ZNF257: variants seen among roughly 807,000 people sequenced by gnomAD.
ZNF257 encodes the protein zinc finger protein 257.
A neutral mutation model predicts 11.9 loss-of-function variants in ZNF257; 12 were observed. The ratio of observed to expected loss-of-function variants is 1.01; its 90% CI spans 0.65 to 1.63. The LOEUF (loss-of-function observed/expected upper bound fraction) is 1.63, where lower values mean the gene tolerates loss of function less well. ZNF257 is among the 40% of genes most tolerant of loss of function. The pLI, the probability that ZNF257 is intolerant of heterozygous loss-of-function variation, is 0.00. For missense variants in ZNF257, 580 were observed against 665.5 expected (o/e 0.87, Z 1.41); for synonymous variants, 183 against 222.7 (o/e 0.82, Z 1.59).
intron 1 of ZNF257, among the ~76,000 whole-genome samples, chr19:22,060,810 G>A (rs997553422): frequency 6.6e-6 from 1 of 152,132 alleles, no homozygotes; most frequent in African/African-American, 2.4e-5. Flanking sequence ...TTTATATATG[G>A]TGTAAGAAAG....
chr19:22,078,694 AT>A (rs1277473087), intron 3 of ZNF257, among the ~76,000 whole-genome samples: 3 of 150,790 alleles, frequency 2.0e-5, no homozygotes, highest in African/African-American at 4.9e-5. Context: ...TTGGTTAATT[AT>A]TTTTTATGTC....
At chr19:22,084,032 CG>C (rs1048335647) in intron 3 of ZNF257, among the ~76,000 whole-genome samples, 12 of 151,266 alleles carry the variant, frequency 7.9e-5, no homozygotes, top group African/African-American at 2.9e-4. Flanking sequence ...CCTAGCTATT[CG>C]GGGGGCCAAG....
At chr19:22,055,221 C>T (rs10406653) in intron 1 of ZNF257, among the ~76,000 whole-genome samples, 36,101 of 151,896 alleles carry the variant, frequency 0.24, 5,830 homozygotes, top group African/African-American at 0.46. Flanking sequence ...TTTTTGGTTT[C>T]TTTGAGACAG....
rs189880041 is a variant in ZNF257, at chr19:22,067,765, C to T, written c.4-5044C>T. Among the ~76,000 whole-genome samples the T allele has an allele frequency of 7.9e-3, 1,207 of 151,942 alleles. 11 individuals carry two copies. The highest frequency in any genetic ancestry group is 0.027 in the African/African-American group (1,103 of 41,372). On this transcript the variant is annotated intron_variant, in intron 1 of 3. Coordinates refer to ENST00000594947, the MANE Select transcript of ZNF257 (RefSeq NM_033468.4). ...CAGAGAATTGCTTGAACCTGGGAGG[C>T]GAAGGTTGCAGTGACCCGAGATCGC...
intron 3 of ZNF257, among the ~76,000 whole-genome samples, chr19:22,078,223 G>A (rs904443411): frequency 3.6e-5 from 5 of 139,894 alleles, no homozygotes; most frequent in African/African-American, 1.4e-4. Flanking sequence ...GGGCAACAGA[G>A]GGAGACTCCA....
chr19:22,056,194 GTAATCT>G (rs2021634382), intron 1 of ZNF257, among the ~76,000 whole-genome samples: 7 of 152,138 alleles, frequency 4.6e-5, no homozygotes, highest in Admixed American at 3.9e-4. Context: ...TCTCGTGCCT[GTAATCT>G]TAGCACTTTG....
chr19:22,087,768 A>AC (rs2022508239), intron 3 of ZNF257, among the ~76,000 whole-genome samples: 3 of 152,110 alleles, frequency 2.0e-5, no homozygotes, highest in African/African-American at 7.2e-5. Flanking sequence ...GGCACTTTAC[A>AC]CACTTAACTC....
In ZNF257 at chr19:22,073,481, C is replaced by G. The variant is rs755190341; in HGVS notation, c.143C>G (p.Ser48Cys). The G allele has an allele frequency of 5.0e-6, 8 of 1,610,412 alleles. No homozygotes were observed. The South Asian group carries it at 5.5e-5, about 11-fold the overall frequency. ...RNLVFLGIAV[S>C]KPDLITCLEQ... is the part of the protein sequence containing the mutation. ...TTTTAAAAAACAGGTATTGCTGTCT[C>G]TAAGCCAGACCTGATCACCTGTCTG... Residue 48 changes from serine (S) to cysteine (C), a missense_variant, in exon 3 of 4, where the codon TCT (serine) becomes TGT (cysteine). Ser to Cys is a moderately radical substitution (Grantham distance 112). Coordinates refer to ENST00000594947, the MANE Select transcript of ZNF257 (RefSeq NM_033468.4).
At chr19:22,056,264 C>T (rs921190405) in intron 1 of ZNF257, among the ~76,000 whole-genome samples, 2 of 151,868 alleles carry the variant, frequency 1.3e-5, no homozygotes, top group African/African-American at 4.8e-5. Flanking sequence ...CTAACCTGGG[C>T]AACACGGTGA....
At chr19:22,069,244 A>G (rs1568483796) in intron 1 of ZNF257, among the ~76,000 whole-genome samples, 1 of 152,170 alleles carries the variant, frequency 6.6e-6, no homozygotes, top group Non-Finnish European at 1.5e-5. Flanking sequence ...ATTAAGCATC[A>G]TATGGTTGAT....
At chr19:22,076,963 T>C (rs1283225807) in intron 3 of ZNF257, among the ~76,000 whole-genome samples, 3 of 152,160 alleles carry the variant, frequency 2.0e-5, no homozygotes, top group Non-Finnish European at 4.4e-5. Context: ...GCTGGGATTA[T>C]AGGTATGAGC....
chr19:22,066,243 G>C (rs4932953), intron 1 of ZNF257: 100,307 of 152,522 alleles, frequency 0.66, 33,883 homozygotes, highest in South Asian at 0.83. Flanking sequence ...GATCTCTACC[G>C]AGACTCATAC....
chr19:22,087,887 G>A (rs2022510857), intron 3 of ZNF257, 90 bp from the exon 4 acceptor site: 8 of 1,157,726 alleles, frequency 6.9e-6, no homozygotes, highest in Non-Finnish European at 8.0e-6. Context: ...TCTTCCTTAT[G>A]TAGTATATAC....
chr19:22,058,353 TG>T (rs1471216377), intron 1 of ZNF257, among the ~76,000 whole-genome samples: 1 of 152,124 alleles, frequency 6.6e-6, no homozygotes, highest in African/African-American at 2.4e-5. Flanking sequence ...AACATAACTA[TG>T]TTGTTTTGCT....
At chr19:22,062,632 G>A (rs537299581) in intron 1 of ZNF257, among the ~76,000 whole-genome samples, 179 of 151,848 alleles carry the variant, frequency 1.2e-3, no homozygotes, top group Middle Eastern at 6.8e-3. Context: ...ACAGGCATGC[G>A]CCACCACACC....
At chr19:22,069,734 A>G (rs2022052438) in intron 1 of ZNF257, among the ~76,000 whole-genome samples, 1 of 152,216 alleles carries the variant, frequency 6.6e-6, no homozygotes, top group Non-Finnish European at 1.5e-5. Context: ...AAGAATACTT[A>G]TTTATCTTCT....
intron 3 of ZNF257, among the ~76,000 whole-genome samples, chr19:22,086,181 G>C (rs948092852): frequency 6.6e-6 from 1 of 151,032 alleles, no homozygotes. Context: ...ATGTGGTTTC[G>C]CTTCTTTCTT....
At chr19:22,055,157 C>T (rs931091524) in intron 1 of ZNF257, among the ~76,000 whole-genome samples, 2 of 152,044 alleles carry the variant, frequency 1.3e-5, no homozygotes, top group East Asian at 1.9e-4. Context: ...TCTAAGTGGG[C>T]AGAGAAATAG....
intron 3 of ZNF257, among the ~76,000 whole-genome samples, chr19:22,083,039 A>G (rs1263959650): frequency 6.6e-6 from 1 of 152,138 alleles, no homozygotes; most frequent in Non-Finnish European, 1.5e-5. Flanking sequence ...AAGGTTGTTT[A>G]ATCCTGTGTA....
Sources: allele counts gnomAD v4.1 joint callset (sites outside exome capture counted in the v4.1 genomes callset), GRCh38; gene constraint gnomAD v4.1.1; transcripts MANE v1.5; gene names NCBI Gene and HGNC (gene_info 2026-07-23, HGNC 2026-07-21).